TTN: variants seen among roughly 807,000 people sequenced by gnomAD.
The protein encoded by TTN is titin.
TTN carries 1,525 observed loss-of-function variants against 3,223.0 expected under a neutral mutation model. The ratio of observed to expected loss-of-function variants is 0.47; its 90% CI spans 0.45 to 0.49. The LOEUF is 0.49. TTN is among the 20% of genes least tolerant of loss of function. The probability of loss-of-function intolerance (pLI) is 0.00; values close to 1 mark genes in which losing one functional copy is unlikely to be tolerated. For missense variants in TTN, 40,786 were observed against 43,424.0 expected (o/e 0.94, Z 5.40); for synonymous variants, 14,094 against 15,161.0 (o/e 0.93, Z 5.17).
rs755238352 is a variant in TTN, at chr2:178,729,136, G to C, written c.18902C>G (p.Thr6301Ser). 1 of 1,597,492 alleles carries C rather than the reference G, an allele frequency of 6.3e-7. No homozygotes were observed. Among genetic ancestry groups the C allele is most frequent in the Non-Finnish European group, 8.5e-7 (1 of 1,172,220 alleles). Reference sequence around the variant, plus strand: ...GGCAGAACTTTTCAAAACAGTAGTGGTATTTTCTATCTTCTTAATGAATGA... The same window carrying C: ...GGCAGAACTTTTCAAAACAGTAGTGCTATTTTCTATCTTCTTAATGAATGA... The part of the protein sequence containing the change: ...PPSFIKKIEN[T>S]TTVLKSSATF... The change falls in exon 65 of 363, where the codon ACC (threonine) becomes AGC (serine). Residue 6301 changes from threonine to serine, a missense_variant. Transcript: ENST00000589042.
chr2:178,676,354 A>G (rs902846045), intron 147 of TTN, among the ~76,000 whole-genome samples: 1 of 151,918 alleles, frequency 6.6e-6, no homozygotes, highest in Non-Finnish European at 1.5e-5. Flanking sequence ...TTGATATCCA[A>G]TAAAAGATCA....
In TTN at chr2:178,632,351, C is replaced by A; in HGVS notation, c.43543G>T (p.Val14515Leu). 4.4e-6 allele frequency: 7 copies of A among 1,605,358 alleles called. No homozygotes were observed. The highest frequency in any genetic ancestry group is 6.0e-6 in the Non-Finnish European group (7 of 1,175,556). Residue 14515 changes from valine to leucine, a missense_variant, in exon 236 of 363, where the codon GTA becomes TTA. Physicochemically the swap from Val to Leu is conservative, Grantham distance 32. Transcript: ENST00000589042. The part of the protein sequence containing the change: ...DVTAKEKESA[V>L]FTVELSHDNI... ...TCATGAGATAACTCCACAGTAAATA[C>A]AGCACTTTCCTTCTCTTTGGCAGTT...
At chr2:178,694,084 C>A in intron 117 of TTN, 76 bp from the exon 118 acceptor site, 1 of 1,144,354 alleles carries the variant, frequency 8.7e-7, no homozygotes, top group Admixed American at 2.1e-5. Context: ...GGATTTTATA[C>A]TCAAGTATTT....
chr2:178,747,908 CACTG>C lies in TTN; in HGVS notation c.11311+5212_11311+5215del. 3 of 1,613,174 alleles carry C rather than the reference CACTG, an allele frequency of 1.9e-6. No individual in the cohort carries two copies. The East Asian group carries it at 6.7e-5, about 36-fold the overall frequency. On this transcript the variant is annotated intron_variant, in intron 47 of 362. Transcript: ENST00000589042. The stretch of plus-strand genomic sequence containing the variant: ...TTCTTCAGTCATCAAGAGTGGGAAG[CACTG>C]ACTCAGGGAGAGCTGTCTATGGAGT...
Position 178,625,354 on chromosome 2 carries a change from T to G in TTN, c.44467A>C (p.Arg14823=). ...CCAGCATCTTCTAACTTTACATCCC[T>G]CAGAGTAAGTGTATGAACTTTTCCT... ...SEGKVHTLTL[R]DVKLEDAGEV... is the part of the protein sequence containing the mutation. Residue 14823 remains arginine (R), a synonymous_variant, in exon 241 of 363, where the codon AGG becomes CGG. Transcript: ENST00000589042. The G allele has an allele frequency of 6.2e-7, 1 of 1,600,468 alleles. No homozygotes were observed. The highest frequency in any genetic ancestry group is 8.5e-7 in the Non-Finnish European group (1 of 1,174,430).
rs56138826 is a variant in TTN at position 178,600,106 on chromosome 2, G to A, written c.56051-256C>T. Among the ~76,000 whole-genome samples, 1,741 of 152,040 alleles carry A rather than the reference G, an allele frequency of 0.011. 15 individuals carry two copies. The highest frequency in any genetic ancestry group is 0.018 in the Non-Finnish European group (1,221 of 67,932). ...CACTTTATTTGGCATCATTATGCATGTAATGATGTGTATTATTATATTCTC... is the reference window on the plus strand; with the variant it reads ...CACTTTATTTGGCATCATTATGCATATAATGATGTGTATTATTATATTCTC... On this transcript the variant is annotated intron_variant, in intron 288 of 362. Transcript: ENST00000589042.
At chr2:178,779,719 G>A in intron 22 of TTN, 1 of 533,794 alleles carries the variant, frequency 1.9e-6, no homozygotes, top group Admixed American at 3.5e-5. Flanking sequence ...CAGATGAAGA[G>A]ATCTTGGCAT....
Position 178,674,427 on chromosome 2 carries a change from T to C in TTN, c.34613-18A>G, listed in dbSNP as rs372828399. 3.9e-5 allele frequency: 53 copies of C among 1,341,912 alleles called. No individual in the cohort carries two copies. The East Asian group carries it at 1.1e-3, about 28-fold the overall frequency. The allele number at this position is 1,341,912 out of a possible 1,614,324, so 83.1% of individuals were successfully genotyped here. A position where few individuals can be genotyped will look rare whatever the true frequency, so the allele number is the denominator to read the frequency against. On this transcript the variant is annotated intron_variant, in intron 150 of 362. Transcript: ENST00000589042. ...CTCAGTCACTTTAAAAAGATTATTA[T>C]TTTGTAAATTATTTTTATAATTATT...
intron 89 of TTN, 55 bp downstream of exon 89, chr2:178,715,438 G>T: frequency 6.4e-7 from 1 of 1,552,268 alleles, no homozygotes; most frequent in South Asian, 1.3e-5. Flanking sequence ...GAAGTTAAGA[G>T]GACAATTAAA....
intron 278 of TTN, 70 bp from the exon 279 acceptor site, chr2:178,605,783 C>A: frequency 8.0e-7 from 1 of 1,251,804 alleles, no homozygotes; most frequent in Non-Finnish European, 1.0e-6. Flanking sequence ...TATTTCACTT[C>A]AACTTAATTA....
rs1286396788 is a variant in TTN, at chr2:178,630,856, T to G, written c.44102A>C (p.Asp14701Ala). ...TARFETEISE[D>A]DIHANWKLKG... ...GAGTTTCCAGTTGGCGTGGATATCA[T>G]CTTCAGAGATTTCGGTTTCAAAGCG... Residue 14701 changes from aspartate to alanine, a missense_variant, in exon 238 of 363, where the codon GAT becomes GCT. Asp to Ala is a moderately radical substitution (Grantham distance 126). Transcript: ENST00000589042. The G allele has an allele frequency of 6.2e-7, 1 of 1,613,298 alleles. No homozygotes were observed. Among genetic ancestry groups the G allele is most frequent in the Non-Finnish European group, 8.5e-7 (1 of 1,179,524 alleles).
At position 178,588,023 on chromosome 2, in the gene TTN, C is replaced by T; in HGVS notation, c.63384G>A (p.Lys21128=). The T allele has an allele frequency of 6.2e-7, 1 of 1,612,948 alleles. No homozygotes were observed. The highest frequency in any genetic ancestry group is 8.5e-7 in the Non-Finnish European group (1 of 1,179,376). Residue 21128 remains lysine, a synonymous_variant, in exon 305 of 363, where the codon AAG becomes AAA. Transcript: ENST00000589042. The part of the protein sequence containing the change: ...RCNAAAQLVR[K]EFTVTSLDEN... ...CATCCAAGCTGGTAACAGTGAATTC[C>T]TTGCGTACAAGCTGTGCTGCAGCAT... is the stretch of plus-strand genomic sequence containing the variant.
intron 113 of TTN, 132 bp from the exon 114 acceptor site, chr2:178,696,401 T>C: frequency 1.3e-6 from 1 of 790,526 alleles, no homozygotes; most frequent in South Asian, 2.4e-5. Flanking sequence ...TTTTTTTTTG[T>C]ATTGGTTCCA....
At position 178,725,504 on chromosome 2, in the gene TTN, G is replaced by A. The variant is rs1195705703; in HGVS notation, c.20700C>T (p.Asn6900=). The stretch of plus-strand genomic sequence containing the variant: ...CATTTTCCACAAATGTAATCCTGAT[G>A]TTTTCACTTTCTCTAATCACTTCTT... ...EKEEVIRESE[N]IRITFVENVA... The change falls in exon 71 of 363, where the codon AAC becomes AAT. Residue 6900 remains asparagine (N), a synonymous_variant. Coordinates refer to ENST00000589042, the MANE Select transcript of TTN (RefSeq NM_001267550.2). 6.2e-7 allele frequency: 1 copy of A among 1,613,362 alleles called. No individual in the cohort carries two copies. Among genetic ancestry groups the A allele is most frequent in the Non-Finnish European group, 8.5e-7 (1 of 1,179,544 alleles).
chr2:178,774,051 C>T lies in TTN; in HGVS notation c.7117G>A (p.Val2373Ile). ...SDQKVCEGDI[V>I]QLEVKVSLES... ...AAGGAGACTTTAACTTCAAGCTGAA[C>T]AATGTCACCCTCACAGACTTTTTGG... The change falls in exon 31 of 363, where the codon GTT (valine) becomes ATT (isoleucine). Residue 2373 changes from valine (V) to isoleucine (I), a missense_variant. Physicochemically the swap from Val to Ile is conservative, Grantham distance 29. Coordinates refer to ENST00000589042, the MANE Select transcript of TTN (RefSeq NM_001267550.2). The T allele has an allele frequency of 6.2e-7, 1 of 1,614,066 alleles. No individual in the cohort carries two copies. The highest frequency in any genetic ancestry group is 8.5e-7 in the Non-Finnish European group (1 of 1,179,978).
At chr2:178,710,533 A>T in intron 98 of TTN, 102 bp downstream of exon 98, 1 of 1,355,888 alleles carries the variant, frequency 7.4e-7, no homozygotes, top group Admixed American at 2.3e-5. Flanking sequence ...TCATTTGTTT[A>T]AAAATGTCCT....
intron 309 of TTN, 33 bp from the exon 310 acceptor site, chr2:178,585,001 C>T (rs774331076): frequency 1.2e-6 from 2 of 1,608,130 alleles, no homozygotes; most frequent in East Asian, 4.5e-5. Context: ...AATGTAAGAA[C>T]AAGGATTTGA....
chr2:178,781,090 T>A (rs556920792), intron 21 of TTN, 31 bp downstream of exon 21: 2 of 1,613,616 alleles, frequency 1.2e-6, no homozygotes, highest in South Asian at 1.1e-5. Flanking sequence ...TCAGTTCTTA[T>A]CATGCACATA....
At chr2:178,785,517 C>T (rs1178046566) in intron 15 of TTN, 103 bp downstream of exon 15, 2 of 1,547,998 alleles carry the variant, frequency 1.3e-6, no homozygotes, top group Non-Finnish European at 1.8e-6. Flanking sequence ...CACACATCAC[C>T]AAAAAAGAAT....
Sources: gnomAD v4.1 joint callset for allele counts (sites outside exome capture counted in the v4.1 genomes callset) on GRCh38, gnomAD v4.1.1 for gene constraint, MANE v1.5 for transcripts, NCBI Gene and HGNC (gene_info 2026-07-23, HGNC 2026-07-21) for gene names.